The following PLPP1 variants were observed in gnomAD, a reference collection of about 807,000 sequenced individuals.
The protein encoded by PLPP1 is phospholipid phosphatase 1.
A neutral mutation model predicts 31.2 loss-of-function variants in PLPP1; 24 were observed. The observed-to-expected ratio is 0.77, with a 90% CI of 0.56 to 1.08. The LOEUF (loss-of-function observed/expected upper bound fraction) is 1.08, where lower values mean the gene tolerates loss of function less well. Ranked by LOEUF, PLPP1 falls within the 50% of genes least tolerant of loss-of-function variation. PLPP1 has a pLI of 0.00. For missense variants in PLPP1, 319 were observed against 342.7 expected, an observed-to-expected ratio of 0.93 and a Z score of 0.55; for synonymous variants, 146 against 126.3, an observed-to-expected ratio of 1.16 and a Z score of -1.05.
intron 1 of PLPP1, 98 bp downstream of exon 1, chr5:55,534,474 G>A: frequency 1.6e-6 from 2 of 1,238,424 alleles, no homozygotes; most frequent in Non-Finnish European, 2.2e-6. Flanking sequence ...AGCTGCGCAC[G>A]CGTCAGGCAA....
At chr5:55,494,822 C>G (rs1257962517) in intron 1 of PLPP1, among the ~76,000 whole-genome samples, 1 of 151,936 alleles carries the variant, frequency 6.6e-6, no homozygotes, top group Non-Finnish European at 1.5e-5. Flanking sequence ...GCACACAGAT[C>G]TGAACAAAAA....
intron 1 of PLPP1, among the ~76,000 whole-genome samples, chr5:55,516,643 T>G (rs146767013): frequency 6.6e-6 from 1 of 152,312 alleles, no homozygotes; most frequent in East Asian, 1.9e-4. Context: ...TCAGGTGAGT[T>G]ACCCAAGCAA....
intron 4 of PLPP1, among the ~76,000 whole-genome samples, chr5:55,427,730 A>ATTTAC (rs1365461759): frequency 1.4e-5 from 2 of 144,180 alleles, no homozygotes. Context: ...AAGAATTAAC[A>ATTTAC]TTTACTTAAC....
intron 1 of PLPP1, among the ~76,000 whole-genome samples, chr5:55,479,904 T>C (rs1472783228): frequency 6.6e-6 from 1 of 152,210 alleles, no homozygotes; most frequent in Non-Finnish European, 1.5e-5. Flanking sequence ...TGAATACAAA[T>C]TCTTGTTTGC....
intron 1 of PLPP1, among the ~76,000 whole-genome samples, chr5:55,492,884 C>T (rs1302599545): frequency 6.6e-6 from 1 of 152,090 alleles, no homozygotes; most frequent in African/African-American, 2.4e-5. Context: ...CTATCTCTTC[C>T]AGAGTTAGGG....
rs114008779 is a variant in PLPP1 at position 55,457,588 on chromosome 5, G to C, written c.491+10281C>G. ...AAATAAGATTTATGTACCTGAACCA[G>C]AGAAATAATATATGTATGAATAATT... is the stretch of plus-strand genomic sequence containing the variant. On this transcript the variant is annotated intron_variant, in intron 3 of 5. Coordinates refer to ENST00000307259, the MANE Select transcript of PLPP1 (RefSeq NM_003711.4). 6.6e-3 allele frequency among the ~76,000 whole-genome samples: 1,007 copies of C among 152,196 alleles called. 15 individuals are homozygous for C. The highest frequency in any genetic ancestry group is 0.022 in the African/African-American group (895 of 41,504).
chr5:55,515,012 TC>T (rs1382675286), intron 1 of PLPP1, among the ~76,000 whole-genome samples: 1 of 152,172 alleles, frequency 6.6e-6, no homozygotes, highest in Non-Finnish European at 1.5e-5. Context: ...TCCTAACAAA[TC>T]CGTGACGTAG....
At chr5:55,468,504 CA>C (rs1021944795) in intron 2 of PLPP1, among the ~76,000 whole-genome samples, 1 of 151,692 alleles carries the variant, frequency 6.6e-6, no homozygotes, top group Non-Finnish European at 1.5e-5. Context: ...ATGGCTTGTC[CA>C]AAAAACAAAC....
intron 3 of PLPP1, among the ~76,000 whole-genome samples, chr5:55,443,604 G>A (rs1751684915): frequency 6.6e-6 from 1 of 152,094 alleles, no homozygotes; most frequent in Non-Finnish European, 1.5e-5. Flanking sequence ...AAGCAAGTGA[G>A]GTCTCACTAA....
At chr5:55,506,553 G>A (rs1753283749) in intron 1 of PLPP1, among the ~76,000 whole-genome samples, 1 of 152,178 alleles carries the variant, frequency 6.6e-6, no homozygotes, top group East Asian at 1.9e-4. Context: ...CCATCCTGCT[G>A]CAAACTATGG....
At chr5:55,438,997 T>C (rs1273533120) in intron 4 of PLPP1, among the ~76,000 whole-genome samples, 2 of 151,932 alleles carry the variant, frequency 1.3e-5, no homozygotes, top group Non-Finnish European at 2.9e-5. Flanking sequence ...ATCAAGCAAA[T>C]ATTTCCACTA....
At chr5:55,481,249 G>A (rs1752662330) in intron 1 of PLPP1, among the ~76,000 whole-genome samples, 2 of 152,168 alleles carry the variant, frequency 1.3e-5, no homozygotes, top group Non-Finnish European at 2.9e-5. Flanking sequence ...GCAAATCTGG[G>A]AAACTGGTTA....
chr5:55,459,382 TGTTG>T (rs1172079140), intron 3 of PLPP1, among the ~76,000 whole-genome samples: 1 of 152,044 alleles, frequency 6.6e-6, no homozygotes, highest in Non-Finnish European at 1.5e-5. Context: ...TCATAAAACA[TGTTG>T]GTTAAAAAAA....
At chr5:55,425,791 A>ATTTTTT in intron 5 of PLPP1, 72 bp downstream of exon 5, 1 of 1,009,690 alleles carries the variant, frequency 9.9e-7, no homozygotes, top group Non-Finnish European at 1.4e-6. Flanking sequence ...GATTTTTTGG[A>ATTTTTT]TTTTTTTTTT....
At chr5:55,458,959 A>T (rs1215196969) in intron 3 of PLPP1, among the ~76,000 whole-genome samples, 28 of 150,448 alleles carry the variant, frequency 1.9e-4, no homozygotes. Flanking sequence ...ATTGGTAATT[A>T]CATTAAATTT....
At chr5:55,503,645 T>A (rs1187678403) in intron 1 of PLPP1, among the ~76,000 whole-genome samples, 1 of 150,766 alleles carries the variant, frequency 6.6e-6, no homozygotes. Flanking sequence ...TCTGGCATGG[T>A]AGCATGTGCA....
intron 1 of PLPP1, among the ~76,000 whole-genome samples, chr5:55,486,549 A>C (rs945926348): frequency 6.6e-6 from 1 of 150,878 alleles, no homozygotes; most frequent in African/African-American, 2.4e-5. Context: ...TCACACCACT[A>C]TACTCCAGCC....
rs1045443300 is a variant in PLPP1 at position 55,425,993 on chromosome 5, C to A, written c.596G>T (p.Arg199Leu). 6.2e-7 allele frequency: 1 copy of A among 1,612,686 alleles called. No homozygotes were observed. The highest frequency in any genetic ancestry group is 8.5e-7 in the Non-Finnish European group (1 of 1,179,600). Residue 199 changes from arginine (R) to leucine (L), a missense_variant, in exon 5 of 6, where the codon CGC becomes CTC. Arg to Leu is a moderately radical substitution (Grantham distance 102, BLOSUM62 -2). Transcript: ENST00000307259. ...RMKGDWARLLRPTLQFGLVAV... is the reference protein window; with the variant it reads ...RMKGDWARLLLPTLQFGLVAV... ...AACAAGACCAAATTGCAGTGTGGGG[C>A]GTAAGAGTCTTGCCCAGTCTCCCTT...
chr5:55,503,295 A>C (rs1753185511), intron 1 of PLPP1, among the ~76,000 whole-genome samples: 2 of 152,218 alleles, frequency 1.3e-5, no homozygotes, highest in African/African-American at 4.8e-5. Context: ...CAGTAGTTTT[A>C]AGTTGCACTA....
Sources: allele counts gnomAD v4.1 joint callset (sites outside exome capture counted in the v4.1 genomes callset), GRCh38; gene constraint gnomAD v4.1.1; transcripts MANE v1.5; gene names NCBI Gene and HGNC (gene_info 2026-07-23, HGNC 2026-07-21).